PSMC1: variants seen among roughly 807,000 people sequenced by gnomAD.
The protein encoded by PSMC1 is proteasome 26S subunit, ATPase 1.
A neutral mutation model predicts 49.8 loss-of-function variants in PSMC1; 5 were observed. The ratio of observed to expected loss-of-function variants is 0.10; its 90% CI spans 0.05 to 0.21. The LOEUF (loss-of-function observed/expected upper bound fraction) is 0.21, where lower values mean the gene tolerates loss of function less well. Among genes scored for constraint, PSMC1 ranks in the 10% least tolerant of loss-of-function variants. The pLI, the probability that PSMC1 is intolerant of heterozygous loss-of-function variation, is 1.00. For synonymous variants in PSMC1, 155 were observed against 192.1 expected, an observed-to-expected ratio of 0.81 and a Z score of 1.60; for missense variants, 181 against 535.7, an observed-to-expected ratio of 0.34 and a Z score of 6.54.
chr14:90,263,172 T>C (rs1891433929), intron 3 of PSMC1, 146 bp from the exon 4 acceptor site: 1 of 745,252 alleles, frequency 1.3e-6, no homozygotes, highest in Admixed American at 3.5e-5. Flanking sequence ...CTTTCCATTT[T>C]GGCACCGGTT....
chr14:90,271,416 G>A (rs898590823), intron 10 of PSMC1: 1 of 152,034 alleles, frequency 6.6e-6, no homozygotes, highest in Admixed American at 6.5e-5. Flanking sequence ...AACAATAACA[G>A]TAACCCATGT....
intron 1 of PSMC1, among the ~76,000 whole-genome samples, chr14:90,257,495 A>T (rs987606824): frequency 3.3e-5 from 5 of 152,178 alleles, no homozygotes; most frequent in African/African-American, 9.7e-5. Context: ...GTCTGAGGGA[A>T]ATGTGGTCAA....
intron 2 of PSMC1, 106 bp from the exon 3 acceptor site, chr14:90,260,009 G>A (rs1891366523): frequency 1.5e-6 from 1 of 647,072 alleles, no homozygotes; most frequent in South Asian, 2.3e-5. Flanking sequence ...TAAAAGATAA[G>A]GAAAATTGTA....
In PSMC1 at chr14:90,267,898, A is replaced by G. The variant is rs1462765682; in HGVS notation, c.692-326A>G. ...TTTATTTCATTACTGGAATGAAGCAATTCTTCGTACAGGTAATTATAGTTC... is the reference window on the plus strand; with the variant it reads ...TTTATTTCATTACTGGAATGAAGCAGTTCTTCGTACAGGTAATTATAGTTC... On this transcript the variant is annotated intron_variant, in intron 7 of 10. Coordinates refer to ENST00000261303, the MANE Select transcript of PSMC1 (RefSeq NM_002802.3). 7 of 219,548 alleles carry G rather than the reference A, an allele frequency of 3.2e-5. No individual in the cohort carries two copies. In the East Asian group the frequency reaches 6.7e-4, roughly 21 times the overall value. 13.6% of individuals were successfully genotyped at this position (219,548 alleles called of 1,614,324 possible). A position where few individuals can be genotyped will look rare whatever the true frequency, so the allele number is the denominator to read the frequency against.
At chr14:90,265,705 A>G (rs1891495254) in intron 7 of PSMC1, among the ~76,000 whole-genome samples, 3 of 150,912 alleles carry the variant, frequency 2.0e-5, no homozygotes, top group Admixed American at 6.7e-5. Flanking sequence ...AAAAAAAAAA[A>G]AAGATTAGGT....
chr14:90,260,567 C>T (rs1027935123), intron 3 of PSMC1, among the ~76,000 whole-genome samples: 2 of 152,124 alleles, frequency 1.3e-5, no homozygotes, highest in Non-Finnish European at 2.9e-5. Context: ...CCTGTCTCCA[C>T]TAAAAATACA....
In PSMC1 at chr14:90,273,984, T is replaced by TA. The variant is rs1891733717; in HGVS notation, c.*1577_*1578insA. 1 of 69,980 alleles carries TA rather than the reference T, an allele frequency of 1.4e-5. No homozygotes were observed. Among genetic ancestry groups the TA allele is most frequent in the South Asian group, 4.8e-4 (1 of 2,088 alleles). The allele number at this position is 69,980 out of a possible 1,614,324, so 4.3% of individuals were successfully genotyped here. ...TTCCCTGTTTTAAAGTTTACAATCTTCTTAATTTTTATCTGCAAAGTTCCT... is the reference window on the plus strand; with the variant it reads ...TTCCCTGTTTTAAAGTTTACAATCTTACTTAATTTTTATCTGCAAAGTTCCT... On this transcript the variant is annotated 3_prime_UTR_variant, in exon 11 of 11. Coordinates refer to ENST00000261303, the MANE Select transcript of PSMC1 (RefSeq NM_002802.3).
chr14:90,259,325 T>A, intron 2 of PSMC1, 112 bp downstream of exon 2: 1 of 1,008,790 alleles, frequency 9.9e-7, no homozygotes, highest in African/African-American at 1.6e-5. Context: ...AATGATCCAG[T>A]AGTTTTTAAA....
intron 1 of PSMC1, 119 bp downstream of exon 1, chr14:90,256,719 C>T (rs919204725): frequency 6.8e-7 from 1 of 1,462,240 alleles, no homozygotes; most frequent in African/African-American, 1.4e-5. Flanking sequence ...CTCCTTTTGC[C>T]GGCCTGATCT....
intron 10 of PSMC1, chr14:90,271,609 G>A (rs1329600419): frequency 6.6e-6 from 1 of 152,016 alleles, no homozygotes; most frequent in Non-Finnish European, 1.5e-5. Flanking sequence ...ACTGTCAATT[G>A]CCTCTAAGTT....
intron 1 of PSMC1, among the ~76,000 whole-genome samples, chr14:90,256,914 G>C (rs1255215709): frequency 2.0e-5 from 3 of 152,212 alleles, no homozygotes; most frequent in Non-Finnish European, 4.4e-5. Flanking sequence ...CCAGGGCTTT[G>C]CTGATCGGCG....
rs1891782273 is a variant in PSMC1, at chr14:90,275,396, C to CTAAG, written c.*2991_*2994dup. The CTAAG allele has an allele frequency of 6.6e-6, 1 of 152,124 alleles. No individual in the cohort carries two copies. 9.4% of individuals were successfully genotyped at this position (152,124 alleles called of 1,614,324 possible). Reference sequence around the variant, plus strand: ...CTTTGTAACGCACTTGCATCTTTTCCTAAGTTTGAGATTAAAAAAAACAAA... The same window carrying CTAAG: ...CTTTGTAACGCACTTGCATCTTTTCCTAAGTAAGTTTGAGATTAAAAAAAACAAA... On this transcript the variant is annotated 3_prime_UTR_variant, in exon 11 of 11. Coordinates refer to ENST00000261303, the MANE Select transcript of PSMC1 (RefSeq NM_002802.3).
intron 3 of PSMC1, among the ~76,000 whole-genome samples, chr14:90,262,469 T>C (rs979773086): frequency 6.6e-6 from 1 of 152,102 alleles, no homozygotes; most frequent in Non-Finnish European, 1.5e-5. Context: ...TTGAAGTAAC[T>C]TGGAAAACCC....
rs1891777918 is a variant in PSMC1, at chr14:90,275,248, C to T, written c.*2841C>T. On this transcript the variant is annotated 3_prime_UTR_variant, in exon 11 of 11. Coordinates refer to ENST00000261303, the MANE Select transcript of PSMC1 (RefSeq NM_002802.3). ...TGAACTGGATCCTTTTCCTAGAGGACATGACTGGGCCTGAGGACCTGCTAG... is the reference window on the plus strand; with the variant it reads ...TGAACTGGATCCTTTTCCTAGAGGATATGACTGGGCCTGAGGACCTGCTAG... 6.6e-6 allele frequency: 1 copy of T among 152,156 alleles called. No individual in the cohort carries two copies. The highest frequency in any genetic ancestry group is 2.1e-4 in the South Asian group (1 of 4,828). 9.4% of individuals were successfully genotyped at this position (152,156 alleles called of 1,614,324 possible).
intron 8 of PSMC1, 138 bp downstream of exon 8, chr14:90,268,551 C>A: frequency 1.3e-6 from 1 of 782,786 alleles, no homozygotes. Context: ...ATGCTTTAGG[C>A]TCTGCTCTCC....
At chr14:90,264,429 A>G (rs779605776) in intron 6 of PSMC1, among the ~76,000 whole-genome samples, 40 of 152,184 alleles carry the variant, frequency 2.6e-4, no homozygotes, top group Non-Finnish European at 4.4e-4. Context: ...CTGTGTGAAT[A>G]TGTAATGTTT....
chr14:90,257,381 A>G (rs1313553170), intron 1 of PSMC1, among the ~76,000 whole-genome samples: 3 of 152,086 alleles, frequency 2.0e-5, no homozygotes, highest in African/African-American at 4.8e-5. Context: ...TTGTATAGAA[A>G]GGGATAGCTT....
In PSMC1 at chr14:90,273,966, T is replaced by C. The variant is rs1323172912; in HGVS notation, c.*1559T>C. ...CAGATGATCCAGGATAATTTCCCTG[T>C]TTTAAAGTTTACAATCTTCTTAATT... is the stretch of plus-strand genomic sequence containing the variant. On this transcript the variant is annotated 3_prime_UTR_variant, in exon 11 of 11. Transcript: ENST00000261303. 2 of 145,502 alleles carry C rather than the reference T, an allele frequency of 1.4e-5. No homozygotes were observed. The highest frequency in any genetic ancestry group is 5.0e-5 in the African/African-American group (2 of 40,330). 9.0% of individuals were successfully genotyped at this position (145,502 alleles called of 1,614,324 possible). A position where few individuals can be genotyped will look rare whatever the true frequency, so the allele number is the denominator to read the frequency against.
At chr14:90,266,274 C>A (rs1239773118) in intron 7 of PSMC1, among the ~76,000 whole-genome samples, 1 of 151,344 alleles carries the variant, frequency 6.6e-6, no homozygotes, top group South Asian at 2.1e-4. Flanking sequence ...ACAAAAAAAA[C>A]CCACCCTATT....
Sources: allele counts gnomAD v4.1 joint callset (sites outside exome capture counted in the v4.1 genomes callset), GRCh38; gene constraint gnomAD v4.1.1; transcripts MANE v1.5; gene names NCBI Gene and HGNC (gene_info 2026-07-23, HGNC 2026-07-21).